Variants in ASTN2 observed in about 807,000 individuals in gnomAD.
ASTN2 encodes astrotactin 2.
A neutral mutation model predicts 139.8 loss-of-function variants in ASTN2; 54 were observed. The ratio of observed to expected loss-of-function variants is 0.39; its 90% CI spans 0.31 to 0.48. The LOEUF (loss-of-function observed/expected upper bound fraction) is 0.48. ASTN2 is among the 20% of genes least tolerant of loss of function. ASTN2 has a pLI of 0.95. For missense variants in ASTN2, 1,565 were observed against 1,725.1 expected (o/e 0.91, Z 1.64); for synonymous variants, 756 against 719.5 (o/e 1.05, Z -0.81).
intron 7 of ASTN2, among the ~76,000 whole-genome samples, chr9:116,983,486 A>C (rs994963740): frequency 6.6e-6 from 1 of 152,280 alleles, no homozygotes; most frequent in Non-Finnish European, 1.5e-5. Context: ...TCCAAAGCTC[A>C]TGCTTGCTTA....
intron 1 of ASTN2, among the ~76,000 whole-genome samples, chr9:117,391,143 C>T (rs1830529283): frequency 1.3e-5 from 2 of 152,074 alleles, no homozygotes; most frequent in East Asian, 1.9e-4. Flanking sequence ...ATCTGAGGGG[C>T]CAACTGTAAG....
At chr9:117,159,357 G>A (rs543100823) in intron 3 of ASTN2, among the ~76,000 whole-genome samples, 1 of 151,954 alleles carries the variant, frequency 6.6e-6, no homozygotes, top group Non-Finnish European at 1.5e-5. Flanking sequence ...AGTGCTGCAT[G>A]CTTATTCTAA....
chr9:116,887,714 G>T (rs924672050), intron 10 of ASTN2, among the ~76,000 whole-genome samples: 1 of 151,698 alleles, frequency 6.6e-6, no homozygotes, highest in Non-Finnish European at 1.5e-5. Flanking sequence ...GCCACCCAGG[G>T]TGGAGTGCAA....
At chr9:117,128,998 TACA>T (rs1311541351) in intron 4 of ASTN2, among the ~76,000 whole-genome samples, 1 of 152,164 alleles carries the variant, frequency 6.6e-6, no homozygotes, top group Non-Finnish European at 1.5e-5. Context: ...AGGTCCTTCC[TACA>T]ACATGTGGAA....
At chr9:116,946,209 A>G (rs555653129) in intron 10 of ASTN2, among the ~76,000 whole-genome samples, 60 of 152,326 alleles carry the variant, frequency 3.9e-4, no homozygotes, top group African/African-American at 1.3e-3. Context: ...GCCAAACCAT[A>G]TCAACACCTC....
At chr9:117,194,625 A>G (rs1335658530) in intron 3 of ASTN2, among the ~76,000 whole-genome samples, 1 of 152,216 alleles carries the variant, frequency 6.6e-6, no homozygotes, top group Non-Finnish European at 1.5e-5. Flanking sequence ...GCTCTAAGAG[A>G]CTTAGCTTGC....
chr9:116,863,038 G>C (rs915292477), intron 11 of ASTN2, among the ~76,000 whole-genome samples: 3 of 151,994 alleles, frequency 2.0e-5, no homozygotes, highest in African/African-American at 7.2e-5. Flanking sequence ...AAGCAAACAA[G>C]GCTGCCTCTC....
intron 4 of ASTN2, among the ~76,000 whole-genome samples, chr9:117,102,373 G>A (rs1828999173): frequency 6.6e-6 from 1 of 152,156 alleles, no homozygotes; most frequent in Admixed American, 6.6e-5. Flanking sequence ...GCTAGGGCTG[G>A]ACAGAGGAAA....
At chr9:117,108,438 A>AATAC (rs1554779231) in intron 4 of ASTN2, among the ~76,000 whole-genome samples, 1 of 145,234 alleles carries the variant, frequency 6.9e-6, no homozygotes, top group African/African-American at 2.5e-5. Flanking sequence ...AACAAAACAA[A>AATAC]ACACACACAC....
intron 3 of ASTN2, among the ~76,000 whole-genome samples, chr9:117,204,181 G>A (rs1831832741): frequency 6.6e-6 from 1 of 152,202 alleles, no homozygotes; most frequent in Admixed American, 6.5e-5. Flanking sequence ...CAAGTCTTGG[G>A]ACCAAGCTGT....
At chr9:116,840,311 A>C (rs1361987695) in intron 11 of ASTN2, among the ~76,000 whole-genome samples, 1 of 151,034 alleles carries the variant, frequency 6.6e-6, no homozygotes, top group East Asian at 2.0e-4. Flanking sequence ...CCGATTTCTC[A>C]ATCTTTTCCT....
Position 116,699,531 on chromosome 9 carries a change from A to C in ASTN2, c.2806+26240T>G. 6.2e-7 allele frequency: 1 copy of C among 1,614,170 alleles called. No homozygotes were observed. Among genetic ancestry groups the C allele is most frequent in the Non-Finnish European group, 8.5e-7 (1 of 1,180,028 alleles). On this transcript the variant is annotated intron_variant, in intron 16 of 22. Coordinates refer to ENST00000313400, the MANE Select transcript of ASTN2 (RefSeq NM_001365068.1). The surrounding 1 kb of genome is among the most constrained non-coding windows in gnomAD (Gnocchi z 4.2). ...TCTCATCGTGGCTGACAGTAGTCGC[A>C]AGGAAATTCTCCATTTTCCTAAGGG...
At chr9:116,721,293 C>A (rs1828467082) in intron 16 of ASTN2, among the ~76,000 whole-genome samples, 1 of 152,122 alleles carries the variant, frequency 6.6e-6, no homozygotes, top group South Asian at 2.1e-4. Context: ...AAAACCTGTG[C>A]TTTATCTCCA....
At chr9:116,915,982 G>A (rs1185646781) in intron 10 of ASTN2, among the ~76,000 whole-genome samples, 1 of 152,194 alleles carries the variant, frequency 6.6e-6, no homozygotes, top group East Asian at 1.9e-4. Context: ...TCTGAAGTGA[G>A]GGCAGTCTTC....
intron 13 of ASTN2, among the ~76,000 whole-genome samples, chr9:116,743,465 G>C (rs1410044835): frequency 3.3e-5 from 5 of 152,220 alleles, no homozygotes; most frequent in Non-Finnish European, 2.9e-5. Context: ...GCTGAGGCAG[G>C]AGAATGGCGT....
At chr9:117,042,680 A>C (rs1838614818) in intron 5 of ASTN2, among the ~76,000 whole-genome samples, 1 of 152,042 alleles carries the variant, frequency 6.6e-6, no homozygotes, top group South Asian at 2.1e-4. Flanking sequence ...TAAATCTTTT[A>C]GCAACTAAAT....
chr9:117,369,064 C>T (rs1345441007), intron 1 of ASTN2, among the ~76,000 whole-genome samples: 1 of 152,160 alleles, frequency 6.6e-6, no homozygotes, highest in Non-Finnish European at 1.5e-5. Flanking sequence ...AACAAAAGCA[C>T]AGGCCAGCCT....
intron 10 of ASTN2, among the ~76,000 whole-genome samples, chr9:116,971,916 G>A (rs956154554): frequency 6.6e-6 from 1 of 152,170 alleles, no homozygotes; most frequent in Non-Finnish European, 1.5e-5. Context: ...AGCAAGTGAT[G>A]GAGTTAAGAT....
Position 116,583,123 on chromosome 9 carries a change from A to T in ASTN2, c.3355+35201T>A, listed in dbSNP as rs1588037123. On this transcript the variant is annotated intron_variant, in intron 19 of 22. Coordinates refer to ENST00000313400, the MANE Select transcript of ASTN2 (RefSeq NM_001365068.1). ...TTGATTCAGGATCCTTCCTTCCAGC[A>T]GAGGTTCCCAGCCCAGGAAGTACAT... 2.0e-5 allele frequency: 3 copies of T among 152,336 alleles called. No homozygotes were observed. In the South Asian group the frequency reaches 6.2e-4, roughly 32 times the overall value. 9.4% of individuals were successfully genotyped at this position (152,336 alleles called of 1,614,324 possible).
Sources: gnomAD v4.1 joint callset for allele counts (sites outside exome capture counted in the v4.1 genomes callset) on GRCh38, gnomAD v4.1.1 for gene constraint, Gnocchi (gnomAD v3.1) non-coding constraint, MANE v1.5 for transcripts, NCBI Gene and HGNC (gene_info 2026-07-23, HGNC 2026-07-21) for gene names.